Variants in VAMP5 observed in about 807,000 individuals in gnomAD.
The protein encoded by VAMP5 is vesicle-associated membrane protein 5.
VAMP5 carries 10 observed loss-of-function variants against 8.1 expected under a neutral mutation model. The observed-to-expected ratio is 1.23, with a 90% CI of 0.76 to 2.09. The LOEUF is 2.09. Among genes scored for constraint, VAMP5 ranks in the 30% most tolerant of loss-of-function variants. The pLI is 0.00. For synonymous variants in VAMP5, 62 were observed against 60.6 expected, an observed-to-expected ratio of 1.02 and a Z score of -0.11; for missense variants, 135 against 152.5, an observed-to-expected ratio of 0.89 and a Z score of 0.60.
chr2:85,585,325 T>C (rs1031217034), intron 1 of VAMP5, among the ~76,000 whole-genome samples: 2 of 152,222 alleles, frequency 1.3e-5, no homozygotes, highest in African/African-American at 4.8e-5. Context: ...CTAGGGCTCC[T>C]GGGAAAATGG....
chr2:85,593,367 T>A lies in VAMP5; in HGVS notation c.*210T>A, dbSNP rs1283495032. 4.9e-6 allele frequency: 3 copies of A among 607,574 alleles called. No homozygotes were observed. The highest frequency in any genetic ancestry group is 1.9e-5 in the African/African-American group (1 of 53,978). The allele number at this position is 607,574 out of a possible 1,614,324, so 37.6% of individuals were successfully genotyped here. A position where few individuals can be genotyped will look rare whatever the true frequency, so the allele number is the denominator to read the frequency against. On this transcript the variant is annotated 3_prime_UTR_variant, in exon 3 of 3. Coordinates refer to ENST00000306384, the MANE Select transcript of VAMP5 (RefSeq NM_006634.3). The stretch of plus-strand genomic sequence containing the variant: ...ATGCTGGGCCAGCCCCACCTGGAGC[T>A]CAGTAAAAACTGCTGTTTGATTAAA...
At chr2:85,590,846 C>T (rs1260362095) in intron 1 of VAMP5, among the ~76,000 whole-genome samples, 1 of 152,226 alleles carries the variant, frequency 6.6e-6, no homozygotes, top group East Asian at 1.9e-4. Context: ...GCACCCAAAG[C>T]CCAGTGCCTT....
At chr2:85,585,738 T>C (rs1200966038) in intron 1 of VAMP5, among the ~76,000 whole-genome samples, 1 of 152,198 alleles carries the variant, frequency 6.6e-6, no homozygotes, top group African/African-American at 2.4e-5. Flanking sequence ...GAGGAGAGGC[T>C]GGGGAGGTCG....
At chr2:85,588,140 C>T (rs959159539) in intron 1 of VAMP5, among the ~76,000 whole-genome samples, 2 of 152,172 alleles carry the variant, frequency 1.3e-5, no homozygotes, top group Admixed American at 6.5e-5. Flanking sequence ...TGGGCAGGCA[C>T]CACTTTGCCT....
chr2:85,588,131 G>C (rs913313874), intron 1 of VAMP5, among the ~76,000 whole-genome samples: 1 of 152,082 alleles, frequency 6.6e-6, no homozygotes, highest in Non-Finnish European at 1.5e-5. Context: ...CTGGGACTAT[G>C]GGCAGGCACC....
Position 85,584,448 on chromosome 2 carries a change from GGCAGAGA to G in VAMP5, c.-42_-36del, listed in dbSNP as rs1573348450. On this transcript the variant is annotated 5_prime_UTR_variant, in exon 1 of 3. Coordinates refer to ENST00000306384, the MANE Select transcript of VAMP5 (RefSeq NM_006634.3). ...CCGCTGGCACTGCGGCCGCTCCGCA[GGCAGAGA>G]AGCCGGGAGCGGGCGAGGCGGCGGC... 1 of 1,244,646 alleles carries G rather than the reference GGCAGAGA, an allele frequency of 8.0e-7. No homozygotes were observed. Among genetic ancestry groups the G allele is most frequent in the East Asian group, 3.1e-5 (1 of 31,826 alleles). 77.1% of individuals were successfully genotyped at this position (1,244,646 alleles called of 1,614,324 possible). A position where few individuals can be genotyped will look rare whatever the true frequency, so the allele number is the denominator to read the frequency against.
chr2:85,590,449 A>T (rs988778933), intron 1 of VAMP5, among the ~76,000 whole-genome samples: 2 of 152,056 alleles, frequency 1.3e-5, no homozygotes, highest in Non-Finnish European at 1.5e-5. Flanking sequence ...CCAGCTGGGG[A>T]GATAGGACTC....
chr2:85,586,205 C>T (rs1672457321), intron 1 of VAMP5, among the ~76,000 whole-genome samples: 1 of 152,164 alleles, frequency 6.6e-6, no homozygotes, highest in Non-Finnish European at 1.5e-5. Context: ...TGTGTTGGTT[C>T]AACTCCCAGA....
rs375145374 is a variant in VAMP5, at chr2:85,592,800, CAAA to C, written c.142-134_142-132del. ...TGGGTGACAGGGAGAGACTCCTTCTCAAAAAAAAAAAAAAAAGAAAGAAAGTAG... is the reference window on the plus strand; with the variant it reads ...TGGGTGACAGGGAGAGACTCCTTCTCAAAAAAAAAAAAAGAAAGAAAGTAG... On this transcript the variant is annotated intron_variant, in intron 2 of 2. Coordinates refer to ENST00000306384, the MANE Select transcript of VAMP5 (RefSeq NM_006634.3). 1,375 of 509,646 alleles carry C rather than the reference CAAA, an allele frequency of 2.7e-3. 1 individual carries two copies. Among genetic ancestry groups the C allele is most frequent in the Non-Finnish European group, 3.2e-3 (1,000 of 307,714 alleles). The allele number at this position is 509,646 out of a possible 1,614,324, so 31.6% of individuals were successfully genotyped here. A position where few individuals can be genotyped will look rare whatever the true frequency, so the allele number is the denominator to read the frequency against.
chr2:85,590,266 T>TGCTGG (rs1195753992), intron 1 of VAMP5, among the ~76,000 whole-genome samples: 1 of 152,194 alleles, frequency 6.6e-6, no homozygotes, highest in Non-Finnish European at 1.5e-5. Flanking sequence ...TAGAAAAACA[T>TGCTGG]GCTGGGAGAA....
In VAMP5 at chr2:85,593,268, G is replaced by A; in HGVS notation, c.*111G>A. The A allele has an allele frequency of 8.7e-7, 1 of 1,144,950 alleles. No individual in the cohort carries two copies. The allele number at this position is 1,144,950 out of a possible 1,614,324, so 70.9% of individuals were successfully genotyped here. ...CCACCCCAGTGAGTGCCAAAGGGCA[G>A]CCCCAACATGTGCACCCCTGCATTT... is the stretch of plus-strand genomic sequence containing the variant. On this transcript the variant is annotated 3_prime_UTR_variant, in exon 3 of 3. Transcript: ENST00000306384.
At chr2:85,587,004 G>A (rs978192379) in intron 1 of VAMP5, among the ~76,000 whole-genome samples, 14 of 151,990 alleles carry the variant, frequency 9.2e-5, no homozygotes, top group Non-Finnish European at 1.8e-4. Flanking sequence ...GAACCCAGGA[G>A]GCAGAGCTTG....
Position 85,591,770 on chromosome 2 carries a change from A to G in VAMP5, c.49A>G (p.Thr17Ala). The change falls in exon 2 of 3, where the codon ACG becomes GCG. Residue 17 changes from threonine to alanine, a missense_variant. Thr to Ala is a moderately conservative substitution (Grantham distance 58). Coordinates refer to ENST00000306384, the MANE Select transcript of VAMP5 (RefSeq NM_006634.3). ...ERCQQQANEV[T>A]EIMRNNFGKV... ...GTGCCAGCAGCAGGCGAACGAGGTG[A>G]CGGAAATTATGCGTAACAACTTCGG... 1.2e-6 allele frequency: 2 copies of G among 1,614,146 alleles called. No homozygotes were observed. Among genetic ancestry groups the G allele is most frequent in the South Asian group, 1.1e-5 (1 of 91,084 alleles).
intron 2 of VAMP5, 32 bp downstream of exon 2, chr2:85,591,894 G>A (rs749286636): frequency 6.2e-7 from 1 of 1,613,118 alleles, no homozygotes; most frequent in South Asian, 1.1e-5. Context: ...GGAGGGGAGG[G>A]GAGAGGATTG....
At position 85,586,531 on chromosome 2, in the gene VAMP5, G is replaced by A. The variant is rs143941391; in HGVS notation, c.3+2038G>A. ...GCGGAGGTTGCAGTGAGCTGAGATCGCGCCATTGCACTCCAGCCTGGGTGA... is the reference window on the plus strand; with the variant it reads ...GCGGAGGTTGCAGTGAGCTGAGATCACGCCATTGCACTCCAGCCTGGGTGA... On this transcript the variant is annotated intron_variant, in intron 1 of 2. Coordinates refer to ENST00000306384, the MANE Select transcript of VAMP5 (RefSeq NM_006634.3). 6.7e-3 allele frequency among the ~76,000 whole-genome samples: 1,016 copies of A among 151,814 alleles called. 10 individuals are homozygous for A. The highest frequency in any genetic ancestry group is 0.023 in the African/African-American group (953 of 41,388).
chr2:85,588,133 G>A (rs1335777060), intron 1 of VAMP5, among the ~76,000 whole-genome samples: 1 of 152,134 alleles, frequency 6.6e-6, no homozygotes, highest in African/African-American at 2.4e-5. Flanking sequence ...GGGACTATGG[G>A]CAGGCACCAC....
chr2:85,592,813 AAAAG>A lies in VAMP5; in HGVS notation c.142-126_142-123del, dbSNP rs1434294076. On this transcript the variant is annotated intron_variant, in intron 2 of 2. Coordinates refer to ENST00000306384, the MANE Select transcript of VAMP5 (RefSeq NM_006634.3). ...GAGACTCCTTCTCAAAAAAAAAAAAAAAAGAAAGAAAGTAGACAAGATGGGGAGG... is the reference window on the plus strand; with the variant it reads ...GAGACTCCTTCTCAAAAAAAAAAAAAAAAGAAAGTAGACAAGATGGGGAGG... 6.8e-4 allele frequency: 565 copies of A among 832,148 alleles called. 9 individuals carry two copies. The African/African-American group carries it at 9.3e-3, about 14-fold the overall frequency. 51.5% of individuals were successfully genotyped at this position (832,148 alleles called of 1,614,324 possible). A position where few individuals can be genotyped will look rare whatever the true frequency, so the allele number is the denominator to read the frequency against.
rs1198087363 is a variant in VAMP5 at position 85,593,394 on chromosome 2, G to A, written c.*237G>A. On this transcript the variant is annotated 3_prime_UTR_variant, in exon 3 of 3. Coordinates refer to ENST00000306384, the MANE Select transcript of VAMP5 (RefSeq NM_006634.3). ...AGTAAAAACTGCTGTTTGATTAAAA[G>A]CTGGTATCTGTGTGTGAAGGTCCCC... The A allele has an allele frequency of 3.5e-6, 2 of 564,450 alleles. No homozygotes were observed. Among genetic ancestry groups the A allele is most frequent in the Non-Finnish European group, 6.4e-6 (2 of 314,626 alleles). The allele number at this position is 564,450 out of a possible 1,614,324, so 35.0% of individuals were successfully genotyped here. A position where few individuals can be genotyped will look rare whatever the true frequency, so the allele number is the denominator to read the frequency against.
Position 85,592,940 on chromosome 2 carries a change from A to C in VAMP5, c.142-8A>C. The C allele has an allele frequency of 6.2e-7, 1 of 1,613,366 alleles. No homozygotes were observed. Among genetic ancestry groups the C allele is most frequent in the Non-Finnish European group, 8.5e-7 (1 of 1,179,996 alleles). On this transcript the variant is annotated splice_region_variant and splice_polypyrimidine_tract_variant and intron_variant, in intron 2 of 2. Coordinates refer to ENST00000306384, the MANE Select transcript of VAMP5 (RefSeq NM_006634.3). ...TAACTCCCACTTTGTGTCTGGGGGTATCCGCAGAGCTCAACCTTCAACAAG... is the reference window on the plus strand; with the variant it reads ...TAACTCCCACTTTGTGTCTGGGGGTCTCCGCAGAGCTCAACCTTCAACAAG...
Sources: gnomAD v4.1 joint callset for allele counts (sites outside exome capture counted in the v4.1 genomes callset) on GRCh38, gnomAD v4.1.1 for gene constraint, MANE v1.5 for transcripts, NCBI Gene and HGNC (gene_info 2026-07-23, HGNC 2026-07-21) for gene names.